CLSTN2: variants seen among roughly 807,000 people sequenced by gnomAD.
CLSTN2 encodes calsyntenin 2, also known as calsyntenin-2.
Under a neutral mutation model 101.2 loss-of-function variants are expected in CLSTN2, and 48 were observed. The observed-to-expected ratio is 0.47, with a 90% confidence interval of 0.38 to 0.60. CLSTN2 has a LOEUF of 0.60. CLSTN2 is among the 20% of genes least tolerant of loss of function. CLSTN2 has a pLI of 0.00. For missense variants in CLSTN2, 1,160 were observed against 1,238.2 expected (o/e 0.94, Z 0.95); for synonymous variants, 481 against 463.6 (o/e 1.04, Z -0.48).
intron 1 of CLSTN2, among the ~76,000 whole-genome samples, chr3:140,059,854 TA>T (rs1475088524): frequency 6.6e-6 from 1 of 152,042 alleles, no homozygotes; most frequent in Non-Finnish European, 1.5e-5. Context: ...TAATGAAAAA[TA>T]AGGGCTCTTA....
chr3:140,550,186 C>T (rs1369465531), intron 10 of CLSTN2, among the ~76,000 whole-genome samples: 1 of 151,672 alleles, frequency 6.6e-6, no homozygotes, highest in African/African-American at 2.4e-5. Context: ...ACCTATTAAC[C>T]ATGTTTAGGT....
intron 8 of CLSTN2, among the ~76,000 whole-genome samples, chr3:140,485,942 A>T (rs1268604851): frequency 6.6e-6 from 1 of 151,430 alleles, no homozygotes; most frequent in Non-Finnish European, 1.5e-5. Flanking sequence ...TTCGGCTCAC[A>T]CTTGGTGCGC....
intron 2 of CLSTN2, among the ~76,000 whole-genome samples, chr3:140,327,667 C>T (rs901706153): frequency 5.9e-5 from 9 of 152,198 alleles, no homozygotes; most frequent in Admixed American, 4.6e-4. Flanking sequence ...GGCAAGTCAA[C>T]CATCATGAAC....
intron 9 of CLSTN2, among the ~76,000 whole-genome samples, chr3:140,544,302 T>A (rs1935543516): frequency 1.3e-5 from 2 of 152,120 alleles, no homozygotes; most frequent in Non-Finnish European, 2.9e-5. Flanking sequence ...ATACCTGCCA[T>A]CCAGGAGAGA....
In CLSTN2 at chr3:139,996,084, C is replaced by T. The variant is rs988475522; in HGVS notation, c.109+60601C>T. On this transcript the variant is annotated intron_variant, in intron 1 of 16. Coordinates refer to ENST00000458420, the MANE Select transcript of CLSTN2 (RefSeq NM_022131.3). ...TTCCTCTTGTACACCACAGAGGTGACCATGATTCTAAAGGTTGTGATTATT... is the reference window on the plus strand; with the variant it reads ...TTCCTCTTGTACACCACAGAGGTGATCATGATTCTAAAGGTTGTGATTATT... Among the ~76,000 whole-genome samples the T allele has an allele frequency of 3.3e-5, 5 of 152,276 alleles. No homozygotes were observed. In the South Asian group the frequency reaches 8.3e-4, roughly 25 times the overall value.
At chr3:140,004,965 G>A (rs182091094) in intron 1 of CLSTN2, among the ~76,000 whole-genome samples, 47 of 152,278 alleles carry the variant, frequency 3.1e-4, no homozygotes, top group Non-Finnish European at 1.5e-5. Context: ...CACAGTTTAT[G>A]ATTCAAAAAC....
At chr3:140,441,920 T>C (rs1267066126) in intron 5 of CLSTN2, among the ~76,000 whole-genome samples, 1 of 152,184 alleles carries the variant, frequency 6.6e-6, no homozygotes, top group African/African-American at 2.4e-5. Flanking sequence ...ACATGGCAGC[T>C]GCTGGGTTGT....
chr3:140,181,045 T>G (rs72988119), intron 2 of CLSTN2, among the ~76,000 whole-genome samples: 1,580 of 152,310 alleles, frequency 0.01, 27 homozygotes, highest in African/African-American at 0.036. Context: ...GGGATAGCCA[T>G]GTGTCTTATA....
intron 2 of CLSTN2, among the ~76,000 whole-genome samples, chr3:140,377,638 TAAAG>T (rs1469744692): frequency 6.6e-6 from 1 of 152,072 alleles, no homozygotes; most frequent in African/African-American, 2.4e-5. Flanking sequence ...AATACTAATA[TAAAG>T]AAAGAAAACA....
chr3:139,987,573 A>G (rs1215368292), intron 1 of CLSTN2, among the ~76,000 whole-genome samples: 2 of 152,186 alleles, frequency 1.3e-5, no homozygotes, highest in Admixed American at 6.5e-5. Flanking sequence ...TATATTGCAT[A>G]GGTAAGAGAG....
At chr3:140,480,778 C>T (rs1208977375) in intron 8 of CLSTN2, among the ~76,000 whole-genome samples, 1 of 152,198 alleles carries the variant, frequency 6.6e-6, no homozygotes, top group African/African-American at 2.4e-5. Flanking sequence ...CCTTCACCCA[C>T]TTGTTGATGG....
chr3:139,970,713 T>A (rs1474984779), intron 1 of CLSTN2, among the ~76,000 whole-genome samples: 2 of 152,210 alleles, frequency 1.3e-5, no homozygotes, highest in African/African-American at 4.8e-5. Flanking sequence ...GATTGCCTCC[T>A]GCCATCCATT....
At chr3:140,132,133 T>C (rs2009532900) in intron 1 of CLSTN2, among the ~76,000 whole-genome samples, 1 of 152,164 alleles carries the variant, frequency 6.6e-6, no homozygotes, top group African/African-American at 2.4e-5. Flanking sequence ...CATATCGCTA[T>C]TCTGCATGGC....
chr3:139,955,424 T>A (rs1056935539), intron 1 of CLSTN2, among the ~76,000 whole-genome samples: 2 of 152,154 alleles, frequency 1.3e-5, no homozygotes, highest in African/African-American at 4.8e-5. Flanking sequence ...TATCCATTGC[T>A]GCCTAACAAA....
chr3:140,409,337 A>G, intron 4 of CLSTN2, among the ~76,000 whole-genome samples: 1 of 152,152 alleles, frequency 6.6e-6, no homozygotes, highest in African/African-American at 2.4e-5. Context: ...CACTGAGTAT[A>G]CCTACAGTCC....
intron 1 of CLSTN2, among the ~76,000 whole-genome samples, chr3:140,026,817 C>T (rs1201519771): frequency 2.0e-5 from 3 of 152,202 alleles, no homozygotes; most frequent in African/African-American, 7.2e-5. Flanking sequence ...AACCCCCTTC[C>T]CATCTCAGAG....
At chr3:140,176,693 C>T (rs2010330834) in intron 2 of CLSTN2, among the ~76,000 whole-genome samples, 2 of 152,180 alleles carry the variant, frequency 1.3e-5, no homozygotes, top group South Asian at 2.1e-4. Context: ...GTGAGGAACT[C>T]GGCTATGCTT....
At chr3:140,249,385 C>A (rs952780494) in intron 2 of CLSTN2, among the ~76,000 whole-genome samples, 2 of 152,194 alleles carry the variant, frequency 1.3e-5, no homozygotes, top group African/African-American at 4.8e-5. Context: ...TGGACCAGCA[C>A]TCTGCAGAGG....
chr3:140,528,934 C>T (rs1935199517), intron 8 of CLSTN2, among the ~76,000 whole-genome samples: 2 of 152,214 alleles, frequency 1.3e-5, no homozygotes, highest in South Asian at 2.1e-4. Context: ...TTCTGTATCT[C>T]TTGCAGCACC....
Sources: gnomAD v4.1 joint callset for allele counts (sites outside exome capture counted in the v4.1 genomes callset) on GRCh38, gnomAD v4.1.1 for gene constraint, MANE v1.5 for transcripts, NCBI Gene and HGNC (gene_info 2026-07-23, HGNC 2026-07-21) for gene names.